The following PHC1 variants were observed in gnomAD, a reference collection of about 807,000 sequenced individuals.
The protein encoded by PHC1 is polyhomeotic-like protein 1.
Under a neutral mutation model 104.3 loss-of-function variants are expected in PHC1, and 12 were observed. That is an observed-to-expected ratio of 0.12 (90% CI 0.07 to 0.19). PHC1 has a LOEUF of 0.19. Among genes scored for constraint, PHC1 ranks in the 10% least tolerant of loss-of-function variants. The pLI is 1.00. For missense variants in PHC1, 671 were observed against 1,200.0 expected (o/e 0.56, Z 6.51); for synonymous variants, 302 against 455.8 (o/e 0.66, Z 4.30).
chr12:8,922,265 A>G (rs1249500155), intron 5 of PHC1, among the ~76,000 whole-genome samples: 1 of 152,230 alleles, frequency 6.6e-6, no homozygotes, highest in Non-Finnish European at 1.5e-5. Context: ...TACTGGCTTA[A>G]CATTTGACTA....
chr12:8,933,636 G>A (rs774634757), intron 8 of PHC1: 6 of 601,142 alleles, frequency 1.0e-5, no homozygotes, highest in African/African-American at 3.7e-5. Context: ...GTTGGTCTAC[G>A]TGAATACAGG....
rs768244404 is a variant in PHC1 at position 8,920,528 on chromosome 12, T to G, written c.226-457T>G. ...TTCAAGACCAGCCTGGCCTATATGG[T>G]GAAACTCATTCTTTACTAAAAATAC... On this transcript the variant is annotated intron_variant, in intron 3 of 14. Transcript: ENST00000544916. Among the ~76,000 whole-genome samples, 10 of 152,184 alleles carry G rather than the reference T, an allele frequency of 6.6e-5. No individual in the cohort carries two copies. The South Asian group carries it at 2.1e-3, about 32-fold the overall frequency.
chr12:8,933,196 G>A lies in PHC1; in HGVS notation c.1739G>A (p.Gly580Asp). 7.0e-7 allele frequency: 1 copy of A among 1,436,844 alleles called. No homozygotes were observed. Among genetic ancestry groups the A allele is most frequent in the Non-Finnish European group, 9.3e-7 (1 of 1,080,134 alleles). 89.0% of individuals were successfully genotyped at this position (1,436,844 alleles called of 1,614,324 possible). Residue 580 changes from glycine (G) to aspartate (D), a missense_variant, in exon 8 of 15, where the codon GGT (glycine) becomes GAT (aspartate). By Grantham distance (94) the Gly-to-Asp change is moderately conservative. This residue lies in a region of PHC1 where 26 missense variants were observed against 130.8 expected (regional missense o/e 0.20). Transcript: ENST00000544916. ...ASSPPSSQAP[G>D]ALQECPPTLA... is the part of the protein sequence containing the mutation. ...TCGCCACCTTCATCCCAGGCTCCTG[G>A]TGCACTGCAGGAGTGCCCTCCCACA...
intron 13 of PHC1, 138 bp from the exon 14 acceptor site, chr12:8,937,691 T>G (rs1205982999): frequency 6.1e-6 from 4 of 656,012 alleles, no homozygotes; most frequent in Non-Finnish European, 1.1e-5. Flanking sequence ...TTTTGGGAAT[T>G]TGCAAATAAA....
intron 6 of PHC1, among the ~76,000 whole-genome samples, chr12:8,927,204 C>T (rs1369212634): frequency 6.6e-6 from 1 of 152,118 alleles, no homozygotes; most frequent in African/African-American, 2.4e-5. Flanking sequence ...GTTTTATTAA[C>T]AGGGAGGGAG....
At chr12:8,913,897 T>A (rs915352225), upstream of PHC1, 4 of 152,224 alleles carry the variant, frequency 2.6e-5, no homozygotes, top group African/African-American at 9.6e-5. Flanking sequence ...TGAAGTCAAC[T>A]CCTAATGGGT....
intron 9 of PHC1, 37 bp from the exon 10 acceptor site, chr12:8,934,230 T>A (rs201052171): frequency 6.6e-6 from 10 of 1,519,296 alleles, no homozygotes; most frequent in Middle Eastern, 3.4e-4. Flanking sequence ...CAATATGTCA[T>A]CTCATGTCTG....
In PHC1 at chr12:8,937,937, C is replaced by T; in HGVS notation, c.2737C>T (p.Leu913=). The T allele has an allele frequency of 1.2e-6, 2 of 1,602,388 alleles. No individual in the cohort carries two copies. Among genetic ancestry groups the T allele is most frequent in the Non-Finnish European group, 1.7e-6 (2 of 1,169,470 alleles). The change falls in exon 14 of 15, where the codon CTG becomes TTG. Residue 913 remains leucine, a synonymous_variant. Coordinates refer to ENST00000544916, the MANE Select transcript of PHC1 (RefSeq NM_004426.3). ...SVRAGHGERD[L]GNPNTAPPTP... ...AAGAGCTGGGCATGGAGAACGTGAC[C>T]TGGGGAATCCCAATACAGCTCCACC...
intron 9 of PHC1, 27 bp downstream of exon 9, chr12:8,934,039 G>A: frequency 6.2e-7 from 1 of 1,611,572 alleles, no homozygotes; most frequent in South Asian, 1.1e-5. Flanking sequence ...TAATGCTGTT[G>A]GAGAGCACAC....
At chr12:8,928,346 GT>G (rs1163915983) in intron 6 of PHC1, among the ~76,000 whole-genome samples, 2 of 151,756 alleles carry the variant, frequency 1.3e-5, no homozygotes, top group African/African-American at 4.8e-5. Flanking sequence ...TTTTTTAATC[GT>G]ACTTCTGGTA....
chr12:8,937,147 T>G (rs1407033932), intron 12 of PHC1, 29 bp from the exon 13 acceptor site: 4 of 1,594,644 alleles, frequency 2.5e-6, no homozygotes, highest in South Asian at 1.1e-5. Flanking sequence ...GTGGCACTAT[T>G]GACATCCTAT....
At chr12:8,924,577 A>C (rs141324355) in intron 6 of PHC1, among the ~76,000 whole-genome samples, 1 of 152,242 alleles carries the variant, frequency 6.6e-6, no homozygotes, top group Non-Finnish European at 1.5e-5. Flanking sequence ...TTATTGGGAT[A>C]CTTGAGCAGA....
chr12:8,928,695 T>TG (rs1410787670), intron 6 of PHC1, among the ~76,000 whole-genome samples: 1 of 152,210 alleles, frequency 6.6e-6, no homozygotes, highest in Non-Finnish European at 1.5e-5. Context: ...ACATGACCAA[T>TG]GCATTCAGGC....
At chr12:8,914,459 G>GT (rs1367005320), upstream of PHC1, 1 of 145,028 alleles carries the variant, frequency 6.9e-6, no homozygotes, top group African/African-American at 2.5e-5. Flanking sequence ...AGGGACGGCG[G>GT]GGGGGGGGTC....
intron 3 of PHC1, 190 bp downstream of exon 3, chr12:8,920,056 T>G: frequency 1.2e-6 from 1 of 835,858 alleles, no homozygotes; most frequent in Admixed American, 2.7e-5. Flanking sequence ...GTAAAATCAC[T>G]TTTTAGGTAT....
In PHC1 at chr12:8,937,951, T is replaced by C. The variant is rs1276330515; in HGVS notation, c.2751T>C (p.Asn917=). 6.2e-7 allele frequency: 1 copy of C among 1,603,334 alleles called. No homozygotes were observed. Among genetic ancestry groups the C allele is most frequent in the Admixed American group, 1.7e-5 (1 of 59,898 alleles). Residue 917 remains asparagine, a synonymous_variant, in exon 14 of 15, where the codon AAT becomes AAC. Coordinates refer to ENST00000544916, the MANE Select transcript of PHC1 (RefSeq NM_004426.3). The stretch of plus-strand genomic sequence containing the variant: ...GAGAACGTGACCTGGGGAATCCCAA[T>C]ACAGCTCCACCTACACCGGAATTAC... ...GHGERDLGNP[N]TAPPTPELHG...
chr12:8,932,427 A>T, intron 7 of PHC1, 136 bp from the exon 8 acceptor site: 2 of 837,526 alleles, frequency 2.4e-6, no homozygotes, highest in Non-Finnish European at 3.8e-6. Context: ...CAAGTTTCAT[A>T]CTGACTAGAT....
chr12:8,934,928 T>G (rs1945791289), intron 10 of PHC1, among the ~76,000 whole-genome samples, 196 bp from the exon 11 acceptor site: 3 of 152,106 alleles, frequency 2.0e-5, no homozygotes, highest in Admixed American at 2.0e-4. Flanking sequence ...TATTTTTTTT[T>G]TCTCATTTCC....
At position 8,941,173 on chromosome 12, in the gene PHC1, C is replaced by T. The variant is rs1945998159; in HGVS notation, c.*1714C>T. 6.6e-6 allele frequency: 1 copy of T among 151,742 alleles called. No homozygotes were observed. The highest frequency in any genetic ancestry group is 1.4e-5 in the Non-Finnish European group (1 of 69,342). 9.4% of individuals were successfully genotyped at this position (151,742 alleles called of 1,614,324 possible). A position where few individuals can be genotyped will look rare whatever the true frequency, so the allele number is the denominator to read the frequency against. On this transcript the variant is annotated 3_prime_UTR_variant, in exon 15 of 15. Transcript: ENST00000544916. ...CCAGCTATACAGTCACCCCAATTTC[C>T]ACAAATGATGTGATGGTACCGTATA... is the stretch of plus-strand genomic sequence containing the variant.
Sources: allele counts gnomAD v4.1 joint callset (sites outside exome capture counted in the v4.1 genomes callset), GRCh38; gene constraint gnomAD v4.1.1; regional missense constraint gnomAD v4.1.1; transcripts MANE v1.5; gene names NCBI Gene and HGNC (gene_info 2026-07-23, HGNC 2026-07-21).